GPR132: variants seen among roughly 807,000 people sequenced by gnomAD.
GPR132 encodes the protein probable G protein-coupled receptor 132.
A neutral mutation model predicts 1.9 loss-of-function variants in GPR132; 4 were observed. The ratio of observed to expected loss-of-function variants is 2.13; its 90% CI spans 1.05 to 4.87. GPR132 has a LOEUF of 4.87. GPR132 is among the 30% of genes most tolerant of loss of function. The pLI is 0.01. For missense variants in GPR132, 404 were observed against 512.5 expected, an observed-to-expected ratio of 0.79 and a Z score of 2.04; for synonymous variants, 233 against 234.2, an observed-to-expected ratio of 0.99 and a Z score of 0.05.
rs768742354 is a variant in GPR132, at chr14:105,052,011, C to T, written c.126G>A (p.Arg42=). The T allele has an allele frequency of 1.2e-6, 2 of 1,612,008 alleles. No homozygotes were observed. Among genetic ancestry groups the T allele is most frequent in the Non-Finnish European group, 1.7e-6 (2 of 1,179,800 alleles). ...CGCTGTACACCACGACCAGGACTATCCTGCTCTCTTCGAAGGACACGTTGT... is the reference window on the plus strand; with the variant it reads ...CGCTGTACACCACGACCAGGACTATTCTGCTCTCTTCGAAGGACACGTTGT... ...TCNNVSFEES[R]IVLVVVYSAV... The change falls in exon 4 of 4, where the codon AGG becomes AGA. Residue 42 remains arginine, a synonymous_variant. Transcript: ENST00000329797.
intron 1 of GPR132, among the ~76,000 whole-genome samples, chr14:105,064,808 C>G (rs954991979): frequency 2.0e-5 from 3 of 152,186 alleles, no homozygotes; most frequent in African/African-American, 2.4e-5. Context: ...CCCCCCGCCC[C>G]GCTGTGCCTG....
rs981210927 is a variant in GPR132, at chr14:105,064,128, C to T, written c.-861+1251G>A. Among the ~76,000 whole-genome samples, 7 of 152,120 alleles carry T rather than the reference C, an allele frequency of 4.6e-5. No individual in the cohort carries two copies. In the South Asian group the frequency reaches 6.2e-4, roughly 14 times the overall value. On this transcript the variant is annotated intron_variant, in intron 1 of 3. Coordinates refer to ENST00000329797, the MANE Select transcript of GPR132 (RefSeq NM_013345.4). ...TGCTGGGATTACAGGCGTAAGCCAC[C>T]GCACCTGGCTGGATTGCCTGTAATT... is the stretch of plus-strand genomic sequence containing the variant.
In GPR132 at chr14:105,051,731, T is replaced by C; in HGVS notation, c.406A>G (p.Ile136Val). The C allele has an allele frequency of 6.2e-7, 1 of 1,614,066 alleles. No individual in the cohort carries two copies. The highest frequency in any genetic ancestry group is 8.5e-7 in the Non-Finnish European group (1 of 1,180,020). Reference protein sequence around the residue: ...IYVSILFLCCISCDRFVAVVY... With the variant: ...IYVSILFLCCVSCDRFVAVVY... Reference sequence around the variant, plus strand: ...ACGGCCACGAAGCGGTCGCAGGAGATGCAGCACAGGAAGAGGATGCTGACG... The same window carrying C: ...ACGGCCACGAAGCGGTCGCAGGAGACGCAGCACAGGAAGAGGATGCTGACG... The change falls in exon 4 of 4, where the codon ATC (isoleucine) becomes GTC (valine). Residue 136 changes from isoleucine to valine, a missense_variant. Ile to Val is a conservative substitution (Grantham distance 29). Coordinates refer to ENST00000329797, the MANE Select transcript of GPR132 (RefSeq NM_013345.4). The surrounding 1 kb of genome is among the most constrained non-coding windows in gnomAD (Gnocchi z 8.0).
In GPR132 at chr14:105,051,867, C is replaced by A; in HGVS notation, c.270G>T (p.Leu90=). Residue 90 remains leucine, a synonymous_variant, in exon 4 of 4, where the codon CTG becomes CTT. Transcript: ENST00000329797. The surrounding 1 kb of genome is among the most constrained non-coding windows in gnomAD (Gnocchi z 8.0). Reference sequence around the variant, plus strand: ...CCCAGAGTGGCAGCGTGCCTGTGTACAGCAGCTCGCAGAGTGCCAGGCAGA... The same window carrying A: ...CCCAGAGTGGCAGCGTGCCTGTGTAAAGCAGCTCGCAGAGTGCCAGGCAGA... ...YLLCLALCEL[L]YTGTLPLWVI... is the part of the protein sequence containing the mutation. 1 of 1,613,842 alleles carries A rather than the reference C, an allele frequency of 6.2e-7. No homozygotes were observed. Among genetic ancestry groups the A allele is most frequent in the Non-Finnish European group, 8.5e-7 (1 of 1,179,976 alleles).
Position 105,059,579 on chromosome 14 carries a change from T to C in GPR132, c.-860-2299A>G, listed in dbSNP as rs1456919962. ...ACCATTTGTCTCTCGCCTACCTGTG[T>C]AGGCGAGAGACAAATGGTTGGGAAG... On this transcript the variant is annotated intron_variant, in intron 1 of 3. Coordinates refer to ENST00000329797, the MANE Select transcript of GPR132 (RefSeq NM_013345.4). This position sits in a 1 kb window ranked among gnomAD's most constrained non-coding sequence, Gnocchi z 4.2. 1.3e-5 allele frequency among the ~76,000 whole-genome samples: 2 copies of C among 151,664 alleles called. No homozygotes were observed. The highest frequency in any genetic ancestry group is 6.6e-5 in the Admixed American group (1 of 15,230).
At chr14:105,063,193 A>T (rs35966880) in intron 1 of GPR132, among the ~76,000 whole-genome samples, 84,794 of 151,726 alleles carry the variant, frequency 0.56, 26,203 homozygotes, top group Non-Finnish European at 0.7. Flanking sequence ...AGTGCTGGGA[A>T]TACAGGCGTG....
At chr14:105,054,125 C>T (rs1566733782) in intron 3 of GPR132, 2 of 1,287,686 alleles carry the variant, frequency 1.6e-6, no homozygotes, top group Non-Finnish European at 2.0e-6. Flanking sequence ...AGTCCCACCT[C>T]CAGGTCAGCA....
intron 3 of GPR132, chr14:105,054,435 T>TC: frequency 1.0e-6 from 1 of 982,658 alleles, no homozygotes; most frequent in Non-Finnish European, 1.2e-6. Context: ...TTCTTTTTTT[T>TC]TTTTTTGAGA....
At position 105,056,058 on chromosome 14, in the gene GPR132, G is replaced by A. The variant is rs1020663992; in HGVS notation, c.-638C>T. ...CCGCGCTGTTCTCCACGGTGGTGGCGCTGGCCCACCTTCCCCCGGCGGTGT... is the reference window on the plus strand; with the variant it reads ...CCGCGCTGTTCTCCACGGTGGTGGCACTGGCCCACCTTCCCCCGGCGGTGT... On this transcript the variant is annotated 5_prime_UTR_variant, in exon 3 of 4. Transcript: ENST00000329797. The surrounding 1 kb of genome is among the most constrained non-coding windows in gnomAD (Gnocchi z 6.0). The A allele has an allele frequency of 1.8e-5, 15 of 811,718 alleles. No individual in the cohort carries two copies. Among genetic ancestry groups the A allele is most frequent in the African/African-American group, 3.7e-5 (2 of 53,928 alleles). The allele number at this position is 811,718 out of a possible 1,614,324, so 50.3% of individuals were successfully genotyped here.
chr14:105,057,005 A>T (rs903777551), intron 2 of GPR132, among the ~76,000 whole-genome samples, 162 bp downstream of exon 2: 2 of 152,218 alleles, frequency 1.3e-5, no homozygotes, highest in African/African-American at 4.8e-5. Context: ...TCAGTCCTTC[A>T]TTTCTCCATG....
chr14:105,053,499 C>G (rs1222273595), intron 3 of GPR132, among the ~76,000 whole-genome samples: 1 of 152,138 alleles, frequency 6.6e-6, no homozygotes, highest in African/African-American at 2.4e-5. Flanking sequence ...TGTGAACTAT[C>G]AATTACTAAA....
At position 105,060,429 on chromosome 14, in the gene GPR132, G is replaced by A. The variant is rs1886910786; in HGVS notation, c.-860-3149C>T. Among the ~76,000 whole-genome samples the A allele has an allele frequency of 6.6e-6, 1 of 152,132 alleles. No individual in the cohort carries two copies. Among genetic ancestry groups the A allele is most frequent in the Non-Finnish European group, 1.5e-5 (1 of 68,002 alleles). On this transcript the variant is annotated intron_variant, in intron 1 of 3. Coordinates refer to ENST00000329797, the MANE Select transcript of GPR132 (RefSeq NM_013345.4). This position sits in a 1 kb window ranked among gnomAD's most constrained non-coding sequence, Gnocchi z 6.3. Reference sequence around the variant, plus strand: ...CTTCTGAGCCCCGGGGGTGTGGGGGGCCCGACCAGCCTCACACTGGGCCTG... The same window carrying A: ...CTTCTGAGCCCCGGGGGTGTGGGGGACCCGACCAGCCTCACACTGGGCCTG...
chr14:105,058,751 C>G (rs574754674), intron 1 of GPR132, among the ~76,000 whole-genome samples: 166 of 152,360 alleles, frequency 1.1e-3, no homozygotes, highest in African/African-American at 3.8e-3. Context: ...CAGCAGATGG[C>G]TCAGGGCATG....
At chr14:105,054,214 C>T (rs1306870836) in intron 3 of GPR132, 13 of 1,202,964 alleles carry the variant, frequency 1.1e-5, no homozygotes, top group Middle Eastern at 2.3e-4. Flanking sequence ...ACAGCAGCCC[C>T]GGGCGGGGCA....
At chr14:105,052,841 C>T (rs1392366312) in intron 3 of GPR132, among the ~76,000 whole-genome samples, 1 of 151,536 alleles carries the variant, frequency 6.6e-6, no homozygotes, top group Admixed American at 6.6e-5. Flanking sequence ...CACCTGTAAT[C>T]CCAGCTACTC....
At position 105,060,857 on chromosome 14, in the gene GPR132, C is replaced by G. The variant is rs1404647166; in HGVS notation, c.-860-3577G>C. 6.6e-6 allele frequency among the ~76,000 whole-genome samples: 1 copy of G among 152,246 alleles called. No homozygotes were observed. Among genetic ancestry groups the G allele is most frequent in the Admixed American group, 6.5e-5 (1 of 15,290 alleles). On this transcript the variant is annotated intron_variant, in intron 1 of 3. Coordinates refer to ENST00000329797, the MANE Select transcript of GPR132 (RefSeq NM_013345.4). The surrounding 1 kb of genome is among the most constrained non-coding windows in gnomAD (Gnocchi z 6.3). ...TCTGCAAAACCAAAGGAAGTGGCAGCTGCAGTGGAAATGCACGCTCCCCTC... is the reference window on the plus strand; with the variant it reads ...TCTGCAAAACCAAAGGAAGTGGCAGGTGCAGTGGAAATGCACGCTCCCCTC...
At chr14:105,062,451 G>A (rs911236049) in intron 1 of GPR132, among the ~76,000 whole-genome samples, 2 of 151,678 alleles carry the variant, frequency 1.3e-5, no homozygotes, top group Admixed American at 6.6e-5. Flanking sequence ...CACACTTTCC[G>A]TGCTTCTTCC....
intron 3 of GPR132, 135 bp from the exon 4 acceptor site, chr14:105,052,237 T>C (rs548364777): frequency 3.0e-5 from 20 of 658,878 alleles, no homozygotes; most frequent in African/African-American, 1.8e-4. Context: ...CATTTCCAAA[T>C]TGATTTTTTA....
chr14:105,064,868 C>G (rs1303798653), intron 1 of GPR132, among the ~76,000 whole-genome samples: 1 of 152,178 alleles, frequency 6.6e-6, no homozygotes. Context: ...GCTCCAGGAT[C>G]TTGTCACGTG....
Sources: allele counts gnomAD v4.1 joint callset (sites outside exome capture counted in the v4.1 genomes callset), GRCh38; gene constraint gnomAD v4.1.1; non-coding constraint Gnocchi (gnomAD v3.1); transcripts MANE v1.5; gene names NCBI Gene and HGNC (gene_info 2026-07-23, HGNC 2026-07-21).